TP73: variants seen among roughly 807,000 people sequenced by gnomAD.
TP73 encodes the protein tumor protein p73, also known as p53-like transcription factor.
A neutral mutation model predicts 62.5 loss-of-function variants in TP73; 25 were observed. That is an observed-to-expected ratio of 0.40 (90% CI 0.29 to 0.56). The LOEUF is 0.56. TP73 is among the 20% of genes least tolerant of loss of function. TP73 has a pLI of 0.46. For synonymous variants in TP73, 423 were observed against 377.5 expected (o/e 1.12, Z -1.40); for missense variants, 754 against 913.3 (o/e 0.83, Z 2.25).
intron 3 of TP73, among the ~76,000 whole-genome samples, chr1:3,684,893 A>C (rs1645615034): frequency 6.6e-6 from 1 of 152,096 alleles, no homozygotes; most frequent in Non-Finnish European, 1.5e-5. Context: ...CGGGTAGTGC[A>C]AGAAAGTGAG....
chr1:3,689,533 C>T (rs1645753499), intron 3 of TP73, among the ~76,000 whole-genome samples: 1 of 152,118 alleles, frequency 6.6e-6, no homozygotes, highest in Non-Finnish European at 1.5e-5. Context: ...CCCCAGGGCT[C>T]CTCAGGCAGC....
intron 4 of TP73, among the ~76,000 whole-genome samples, chr1:3,721,707 C>G (rs926258991): frequency 6.6e-6 from 1 of 152,226 alleles, no homozygotes. Flanking sequence ...TTCTTGCTCT[C>G]CTGGCCTTTC....
chr1:3,697,291 C>T (rs1162908130), intron 3 of TP73, among the ~76,000 whole-genome samples: 1 of 152,212 alleles, frequency 6.6e-6, no homozygotes, highest in East Asian at 1.9e-4. Context: ...TTTGCAGCCC[C>T]GGGCGTCTCT....
In TP73 at chr1:3,723,406, G is replaced by A. The variant is rs200468145; in HGVS notation, c.669G>A (p.Ser223=). 37 of 1,612,564 alleles carry A rather than the reference G, an allele frequency of 2.3e-5. No individual in the cohort carries two copies. The highest frequency in any genetic ancestry group is 2.9e-5 in the Non-Finnish European group (34 of 1,179,848). The change falls in exon 6 of 14, where the codon TCG becomes TCA. Residue 223 remains serine (S), a synonymous_variant. Transcript: ENST00000378295. The part of the protein sequence containing the change: ...HLIRVEGNNL[S]QYVDDPVTGR... ...TCCGCGTGGAAGGCAATAATCTCTC[G>A]CAGTATGTGGATGACCCTGTCACCG...
At position 3,729,336 on chromosome 1, in the gene TP73, C is replaced by T. The variant is rs756287596; in HGVS notation, c.1084C>T (p.Arg362Trp). The T allele has an allele frequency of 2.4e-5, 38 of 1,613,008 alleles. No homozygotes were observed. Among genetic ancestry groups the T allele is most frequent in the East Asian group, 6.7e-5 (3 of 44,880 alleles). ...EDTYYLQVRGRENFEILMKLK... is the reference protein window; with the variant it reads ...EDTYYLQVRGWENFEILMKLK... Reference sequence around the variant, plus strand: ...GCTCCTCTGTGCTCAGGTGCGAGGCCGGGAGAACTTTGAGATCCTGATGAA... The same window carrying T: ...GCTCCTCTGTGCTCAGGTGCGAGGCTGGGAGAACTTTGAGATCCTGATGAA... Residue 362 changes from arginine (R) to tryptophan (W), a missense_variant, in exon 10 of 14, where the codon CGG (arginine) becomes TGG (tryptophan). By Grantham distance (101) the Arg-to-Trp change is moderately radical (BLOSUM62 -3). Around this residue, in one of 3 missense-constraint regions of TP73, gnomAD observed 458 missense variants for 528.7 expected, o/e 0.87. Coordinates refer to ENST00000378295, the MANE Select transcript of TP73 (RefSeq NM_005427.4).
At chr1:3,728,261 C>G (rs1641843035) in intron 9 of TP73, 44 bp downstream of exon 9, 3 of 1,587,424 alleles carry the variant, frequency 1.9e-6, no homozygotes, top group Non-Finnish European at 2.6e-6. Flanking sequence ...CCTGCCTCAC[C>G]TCTGTCGTCT....
intron 4 of TP73, among the ~76,000 whole-genome samples, chr1:3,709,015 TGCTGGCCATA>T (rs1189149167): frequency 2.6e-5 from 4 of 152,200 alleles, no homozygotes; most frequent in Non-Finnish European, 5.9e-5. Context: ...CCCACTGCCC[TGCTGGCCATA>T]GCTGCGGTTT....
chr1:3,691,018 A>G (rs1193386697), intron 3 of TP73: 1 of 1,543,780 alleles, frequency 6.5e-7, no homozygotes, highest in Admixed American at 2.0e-5. Context: ...TAGGGTTCAG[A>G]GGGGCATCCT....
rs778971858 is a variant in TP73, at chr1:3,701,366, A to G, written c.187-6183A>G. On this transcript the variant is annotated intron_variant, in intron 3 of 13. Transcript: ENST00000378295. The surrounding 1 kb of genome is among the most constrained non-coding windows in gnomAD (Gnocchi z 4.7). ...GTTTTTGTGCCAAGGCGTGGAGGTC[A>G]TGCCTCGTGCATGGGAGCTTCCTGG... 1.3e-5 allele frequency among the ~76,000 whole-genome samples: 2 copies of G among 152,146 alleles called. No individual in the cohort carries two copies. Among genetic ancestry groups the G allele is most frequent in the Non-Finnish European group, 2.9e-5 (2 of 68,008 alleles).
At chr1:3,727,560 T>C in intron 7 of TP73, 68 bp from the exon 8 acceptor site, 1 of 1,546,458 alleles carries the variant, frequency 6.5e-7, no homozygotes, top group Non-Finnish European at 8.7e-7. Flanking sequence ...CCGAGGTGGG[T>C]GGGGAAGGTG....
At chr1:3,711,943 G>A (rs1640188612) in intron 4 of TP73, among the ~76,000 whole-genome samples, 1 of 152,146 alleles carries the variant, frequency 6.6e-6, no homozygotes, top group South Asian at 2.1e-4. Flanking sequence ...GTCCAGGAGG[G>A]ACATATGGAA....
intron 1 of TP73, among the ~76,000 whole-genome samples, chr1:3,658,414 G>A (rs1013147336): frequency 1.1e-4 from 17 of 152,200 alleles, no homozygotes; most frequent in South Asian, 4.1e-4. Context: ...GCAGTAACCA[G>A]ATGGGAGCGG....
intron 8 of TP73, 125 bp from the exon 9 acceptor site, chr1:3,728,004 T>C: frequency 8.2e-7 from 1 of 1,217,718 alleles, no homozygotes; most frequent in East Asian, 2.4e-5. Context: ...TGTGGGTTGC[T>C]CACCACCGGA....
intron 1 of TP73, among the ~76,000 whole-genome samples, chr1:3,677,194 C>T (rs2102067262): frequency 6.6e-6 from 1 of 152,238 alleles, no homozygotes. Flanking sequence ...GAGTTCCTTT[C>T]CTGTTCTGAG....
In TP73 at chr1:3,696,932, G is replaced by T. The variant is rs1638713213; in HGVS notation, c.187-10617G>T. On this transcript the variant is annotated intron_variant, in intron 3 of 13. Coordinates refer to ENST00000378295, the MANE Select transcript of TP73 (RefSeq NM_005427.4). The surrounding 1 kb of genome is among the most constrained non-coding windows in gnomAD (Gnocchi z 4.1). The stretch of plus-strand genomic sequence containing the variant: ...GCCAGCTGCTATTTCTGTCTCCTTT[G>T]TTCTGTCCCCCATTGGACCTCCCCC... Among the ~76,000 whole-genome samples the T allele has an allele frequency of 6.6e-6, 1 of 152,184 alleles. No homozygotes were observed. Among genetic ancestry groups the T allele is most frequent in the East Asian group, 1.9e-4 (1 of 5,160 alleles).
At chr1:3,697,342 C>G (rs1031225598) in intron 3 of TP73, among the ~76,000 whole-genome samples, 1 of 152,248 alleles carries the variant, frequency 6.6e-6, no homozygotes, top group Admixed American at 6.5e-5. Flanking sequence ...CCCTGGGCTC[C>G]GTCTCTCCCT....
chr1:3,696,577 G>A lies in TP73; in HGVS notation c.187-10972G>A, dbSNP rs548815973. 6.6e-6 allele frequency among the ~76,000 whole-genome samples: 1 copy of A among 151,870 alleles called. No homozygotes were observed. Among genetic ancestry groups the A allele is most frequent in the Non-Finnish European group, 1.5e-5 (1 of 67,920 alleles). ...GGGGAGATGCAGAGGGGCAGCCTGG[G>A]AGGCCAGGAGGCACGAGAGGCTGGC... On this transcript the variant is annotated intron_variant, in intron 3 of 13. Transcript: ENST00000378295. This position sits in a 1 kb window ranked among gnomAD's most constrained non-coding sequence, Gnocchi z 4.1.
chr1:3,731,416 T>G, intron 12 of TP73, 47 bp from the exon 13 acceptor site: 1 of 1,583,282 alleles, frequency 6.3e-7, no homozygotes, highest in Non-Finnish European at 8.7e-7. Flanking sequence ...CGCGCAGCCC[T>G]GTGCTCGGAA....
chr1:3,707,789 A>G lies in TP73; in HGVS notation c.427A>G (p.Thr143Ala). 1 of 1,612,496 alleles carries G rather than the reference A, an allele frequency of 6.2e-7. No homozygotes were observed. Among genetic ancestry groups the G allele is most frequent in the Non-Finnish European group, 8.5e-7 (1 of 1,179,804 alleles). ...QSSTAKSATWTYSPLLKKLYC... is the reference protein window; with the variant it reads ...QSSTAKSATWAYSPLLKKLYC... ...CAGCACGGCCAAGTCAGCCACCTGG[A>G]CGGTGAGTTCCCCTAGTCCCTGAGG... is the stretch of plus-strand genomic sequence containing the variant. The change falls in exon 4 of 14, where the codon ACG becomes GCG. Residue 143 changes from threonine (T) to alanine (A), a missense_variant and splice_region_variant. Physicochemically the swap from Thr to Ala is moderately conservative, Grantham distance 58 (BLOSUM62 0). Around this residue, in one of 3 missense-constraint regions of TP73, gnomAD observed 235 missense variants for 251.4 expected, o/e 0.93. Transcript: ENST00000378295.
Sources: gnomAD v4.1 joint callset for allele counts (sites outside exome capture counted in the v4.1 genomes callset) on GRCh38, gnomAD v4.1.1 for gene constraint, gnomAD v4.1.1 regional missense constraint, Gnocchi (gnomAD v3.1) non-coding constraint, MANE v1.5 for transcripts, NCBI Gene and HGNC (gene_info 2026-07-23, HGNC 2026-07-21) for gene names.